The following RASAL2 variants were observed in gnomAD, a reference collection of about 807,000 sequenced individuals.
RASAL2 encodes the protein ras GTPase-activating protein nGAP.
A neutral mutation model predicts 128.9 loss-of-function variants in RASAL2; 58 were observed. The ratio of observed to expected loss-of-function variants is 0.45; its 90% CI spans 0.36 to 0.56. RASAL2 has a LOEUF of 0.56. Among genes scored for constraint, RASAL2 ranks in the 20% least tolerant of loss-of-function variants. RASAL2 has a pLI of 0.00. For missense variants in RASAL2, 1,360 were observed against 1,601.6 expected (o/e 0.85, Z 2.57); for synonymous variants, 561 against 580.8 (o/e 0.97, Z 0.49).
At chr1:178,470,845 G>T in intron 17 of RASAL2, 3 of 738,510 alleles carry the variant, frequency 4.1e-6, no homozygotes, top group Non-Finnish European at 6.1e-6. Flanking sequence ...GTCAGGTGTG[G>T]ACTAGATTGC....
intron 1 of RASAL2, among the ~76,000 whole-genome samples, chr1:178,206,134 A>G (rs112480032): frequency 6.6e-6 from 1 of 152,108 alleles, no homozygotes; most frequent in African/African-American, 2.4e-5. Flanking sequence ...TCCTCTCTGA[A>G]CTCCTGTCTA....
chr1:178,132,878 C>T (rs1660172535), intron 1 of RASAL2, among the ~76,000 whole-genome samples: 1 of 151,090 alleles, frequency 6.6e-6, no homozygotes, highest in South Asian at 2.1e-4. Context: ...AAGCGATTCT[C>T]CTGCCTCAAC....
chr1:178,239,693 A>G (rs546491409), intron 1 of RASAL2, among the ~76,000 whole-genome samples: 1 of 152,214 alleles, frequency 6.6e-6, no homozygotes, highest in African/African-American at 2.4e-5. Flanking sequence ...CATGGACACC[A>G]TCCATATATC....
At chr1:178,188,980 G>C (rs1255481019) in intron 1 of RASAL2, among the ~76,000 whole-genome samples, 2 of 152,058 alleles carry the variant, frequency 1.3e-5, no homozygotes, top group African/African-American at 2.4e-5. Flanking sequence ...AGACCCATAT[G>C]GTAGTTAGAA....
chr1:178,243,880 T>C (rs1664640104), intron 1 of RASAL2, among the ~76,000 whole-genome samples: 1 of 152,226 alleles, frequency 6.6e-6, no homozygotes, highest in Non-Finnish European at 1.5e-5. Flanking sequence ...CACCATCTTG[T>C]CTGGCCCAAG....
At chr1:178,100,179 G>A (rs1265805912) in intron 1 of RASAL2, among the ~76,000 whole-genome samples, 2 of 151,878 alleles carry the variant, frequency 1.3e-5, no homozygotes, top group Non-Finnish European at 2.9e-5. Context: ...AGTTTGTGTG[G>A]ATATCCTTTA....
rs188172719 is a variant in RASAL2 at position 178,274,937 on chromosome 1, G to A, written c.203-8627G>A. Among the ~76,000 whole-genome samples, 296 of 152,318 alleles carry A rather than the reference G, an allele frequency of 1.9e-3. 2 individuals are homozygous for A. The highest frequency in any genetic ancestry group is 3.4e-3 in the Middle Eastern group (1 of 294). On this transcript the variant is annotated intron_variant, in intron 1 of 17. Transcript: ENST00000367649. ...AATATTTATTTAAGAAAAAATTGTAGATAGGCTTTTATTTCCTTCAAAGGA... is the reference window on the plus strand; with the variant it reads ...AATATTTATTTAAGAAAAAATTGTAAATAGGCTTTTATTTCCTTCAAAGGA...
intron 1 of RASAL2, among the ~76,000 whole-genome samples, chr1:178,186,605 A>C (rs1009997923): frequency 7.2e-5 from 11 of 151,956 alleles, no homozygotes; most frequent in African/African-American, 2.4e-4. Context: ...GTCAGCAGTC[A>C]TTCTCCTATT....
chr1:178,466,226 T>G, intron 16 of RASAL2, 104 bp downstream of exon 16: 1 of 1,117,032 alleles, frequency 9.0e-7, no homozygotes, highest in Non-Finnish European at 1.2e-6. Flanking sequence ...TTTTTATCCT[T>G]GTGGTACTGA....
At position 178,168,930 on chromosome 1, in the gene RASAL2, AT is replaced by A. The variant is rs143588738; in HGVS notation, c.202+74238del. Among the ~76,000 whole-genome samples, 764 of 152,192 alleles carry A rather than the reference AT, an allele frequency of 5.0e-3. 14 individuals are homozygous for A. The highest frequency in any genetic ancestry group is 0.018 in the African/African-American group (735 of 41,552). On this transcript the variant is annotated intron_variant, in intron 1 of 17. Coordinates refer to ENST00000367649, the MANE Select transcript of RASAL2 (RefSeq NM_170692.4). ...CAGTTCATTGTAGTTGTATAGATTT[AT>A]TCATTTTTTAACTGCAAAACTGTTT... is the stretch of plus-strand genomic sequence containing the variant.
intron 1 of RASAL2, among the ~76,000 whole-genome samples, chr1:178,112,090 GGATATGTCCTTTGTCA>G (rs879927194): frequency 2.7e-4 from 41 of 152,070 alleles, no homozygotes; most frequent in Non-Finnish European, 4.9e-4. Flanking sequence ...CATATATTTT[GGATATGTCCTTTGTCA>G]GATATGTGAT....
In RASAL2 at chr1:178,442,682, G is replaced by A; in HGVS notation, c.935G>A (p.Cys312Tyr). The A allele has an allele frequency of 1.1e-5, 18 of 1,602,606 alleles. No individual in the cohort carries two copies. Among genetic ancestry groups the A allele is most frequent in the Non-Finnish European group, 1.5e-5 (18 of 1,174,058 alleles). The change falls in exon 8 of 18, where the codon TGC becomes TAC. Residue 312 changes from cysteine (C) to tyrosine (Y), a missense_variant. Cys to Tyr is a radical substitution (Grantham distance 194, BLOSUM62 -2). Around this residue, in one of 3 missense-constraint regions of RASAL2, gnomAD observed 617 missense variants for 714.2 expected, o/e 0.86. Transcript: ENST00000367649. Reference protein sequence around the residue: ...RRTVQPNKDNCRRAENVLRLW... With the variant: ...RRTVQPNKDNYRRAENVLRLW... ...TTTGTTGCCTCTTTATAGGACAATT[G>A]CAGGCGAGCTGAAAATGTTCTTCGT...
chr1:178,318,085 C>T, intron 3 of RASAL2, among the ~76,000 whole-genome samples: 1 of 152,148 alleles, frequency 6.6e-6, no homozygotes, highest in Non-Finnish European at 1.5e-5. Context: ...TGTTCAGTTT[C>T]CATGTAGTTG....
chr1:178,147,677 T>G (rs548307800), intron 1 of RASAL2, among the ~76,000 whole-genome samples: 2 of 152,148 alleles, frequency 1.3e-5, no homozygotes, highest in Non-Finnish European at 2.9e-5. Context: ...GTAATATAAC[T>G]AGGTTGTATA....
chr1:178,262,509 C>T (rs1039467133), intron 1 of RASAL2, among the ~76,000 whole-genome samples: 20 of 152,116 alleles, frequency 1.3e-4, no homozygotes, highest in Admixed American at 1.1e-3. Context: ...TTAAATCTTA[C>T]GAGTTTGGAT....
At chr1:178,263,964 G>A (rs576243425) in intron 1 of RASAL2, among the ~76,000 whole-genome samples, 2 of 152,278 alleles carry the variant, frequency 1.3e-5, no homozygotes, top group East Asian at 3.9e-4. Context: ...TGTGCTCTGA[G>A]TTAGTATTAC....
At chr1:178,136,442 TTAGA>T (rs1660325782) in intron 1 of RASAL2, among the ~76,000 whole-genome samples, 1 of 152,142 alleles carries the variant, frequency 6.6e-6, no homozygotes, top group Admixed American at 6.5e-5. Context: ...CCAGTGTTTC[TTAGA>T]TACTCTATTT....
At chr1:178,453,466 AT>A (rs1677535431) in intron 11 of RASAL2, among the ~76,000 whole-genome samples, 1 of 151,930 alleles carries the variant, frequency 6.6e-6, no homozygotes, top group Non-Finnish European at 1.5e-5. Flanking sequence ...ACAGTTGGTT[AT>A]TGTAGATGAA....
In RASAL2 at chr1:178,256,016, C is replaced by T. The variant is rs74128897; in HGVS notation, c.203-27548C>T. Among the ~76,000 whole-genome samples, 844 of 152,106 alleles carry T rather than the reference C, an allele frequency of 5.5e-3. 11 individuals carry two copies. The highest frequency in any genetic ancestry group is 0.019 in the African/African-American group (791 of 41,516). On this transcript the variant is annotated intron_variant, in intron 1 of 17. Coordinates refer to ENST00000367649, the MANE Select transcript of RASAL2 (RefSeq NM_170692.4). ...ACATGTATCATACAAGGAGCAACAA[C>T]AAGAAGGCTGAAGTGGCTATACTAA... is the stretch of plus-strand genomic sequence containing the variant.
Sources: allele counts gnomAD v4.1 joint callset (sites outside exome capture counted in the v4.1 genomes callset), GRCh38; gene constraint gnomAD v4.1.1; regional missense constraint gnomAD v4.1.1; transcripts MANE v1.5; gene names NCBI Gene and HGNC (gene_info 2026-07-23, HGNC 2026-07-21).